SEMA3D: variants seen among roughly 807,000 people sequenced by gnomAD.
SEMA3D encodes the protein semaphorin 3D.
A neutral mutation model predicts 100.1 loss-of-function variants in SEMA3D; 84 were observed. The ratio of observed to expected loss-of-function variants is 0.84; its 90% confidence interval spans 0.70 to 1.01. SEMA3D has a LOEUF of 1.01. Ranked by LOEUF, SEMA3D falls within the 50% of genes least tolerant of loss-of-function variation. SEMA3D has a pLI of 0.00. For synonymous variants in SEMA3D, 312 were observed against 320.7 expected, an observed-to-expected ratio of 0.97 and a Z score of 0.29; for missense variants, 875 against 934.1, an observed-to-expected ratio of 0.94 and a Z score of 0.82.
chr7:85,104,323 G>T (rs1788840297), intron 3 of SEMA3D, among the ~76,000 whole-genome samples: 1 of 152,032 alleles, frequency 6.6e-6, no homozygotes, highest in Admixed American at 6.6e-5. Flanking sequence ...ATATAACATA[G>T]TAGACCATTA....
chr7:85,197,296 T>G, the SEMA3D span, among the ~76,000 whole-genome samples: 2 of 152,180 alleles, frequency 1.3e-5, no homozygotes, highest in South Asian at 4.1e-4. Context: ...AGTTGGCATC[T>G]ATTGCCTCTA....
At chr7:85,012,275 T>A (rs1433759192) in intron 17 of SEMA3D, among the ~76,000 whole-genome samples, 2 of 151,740 alleles carry the variant, frequency 1.3e-5, no homozygotes, top group East Asian at 3.9e-4. Context: ...TCACATAGTA[T>A]ACCCAGGACA....
At chr7:85,123,976 C>T (rs1251853050) in intron 2 of SEMA3D, among the ~76,000 whole-genome samples, 2 of 151,772 alleles carry the variant, frequency 1.3e-5, no homozygotes, top group Admixed American at 6.6e-5. Context: ...CATCAGCAGC[C>T]CTTTATGAAA....
intron 2 of SEMA3D, among the ~76,000 whole-genome samples, chr7:85,138,280 T>A (rs2116453774): frequency 6.6e-6 from 1 of 152,122 alleles, no homozygotes; most frequent in East Asian, 1.9e-4. Flanking sequence ...GATATTCTTT[T>A]TTAATTCATA....
intron 2 of SEMA3D, chr7:85,142,124 A>G (rs2116464159): frequency 1.0e-6 from 1 of 984,794 alleles, no homozygotes. Context: ...AAAATTTCTA[A>G]GCAATTATTG....
Position 85,097,943 on chromosome 7 carries a change from AC to A in SEMA3D, c.173del (p.Cys58LeufsTer18). ...TYKDLLLSNSCIPFLGSSEGL... is the reference protein window; with the variant it reads ...TYKDLLLSNSXIPFLGSSEGL... The stretch of plus-strand genomic sequence containing the variant: ...CTTCTGATGAACCCAAAAAGGGAAT[AC>A]AGCTATTTGAAAGCAGCAAGTCTAT... On this transcript the variant is annotated frameshift_variant, in exon 4 of 19. Coordinates refer to ENST00000284136, the MANE Select transcript of SEMA3D (RefSeq NM_001384900.1). LOFTEE classifies it high-confidence loss of function. 3 of 1,590,574 alleles carry A rather than the reference AC, an allele frequency of 1.9e-6. No homozygotes were observed. In the Middle Eastern group the frequency reaches 5.1e-4, roughly 269 times the overall value.
intron 1 of SEMA3D, among the ~76,000 whole-genome samples, chr7:85,158,791 G>A (rs1344127117): frequency 6.6e-6 from 1 of 152,024 alleles, no homozygotes; most frequent in African/African-American, 2.4e-5. Context: ...TCTGTCTTTT[G>A]TACTCTGTCC....
At chr7:85,107,869 C>T (rs1788977519) in intron 3 of SEMA3D, among the ~76,000 whole-genome samples, 1 of 151,968 alleles carries the variant, frequency 6.6e-6, no homozygotes. Flanking sequence ...CATATTACTA[C>T]TTCTCTAAAT....
chr7:85,212,292 A>G, the SEMA3D span, among the ~76,000 whole-genome samples: 2 of 152,164 alleles, frequency 1.3e-5, no homozygotes, highest in African/African-American at 4.8e-5. Context: ...AAGGGCAGGA[A>G]AAATTCAAAG....
At chr7:85,065,657 A>C (rs1791597400) in intron 7 of SEMA3D, 105 bp from the exon 8 acceptor site, 1 of 805,246 alleles carries the variant, frequency 1.2e-6, no homozygotes. Context: ...TTGTTTCTTA[A>C]TATCAGAATG....
the SEMA3D span, among the ~76,000 whole-genome samples, chr7:85,209,552 G>T: frequency 1.3e-5 from 2 of 151,904 alleles, no homozygotes; most frequent in African/African-American, 4.8e-5. Flanking sequence ...TTACTTAAAA[G>T]CTTTGAAGAG....
At chr7:85,159,506 G>A (rs999025141) in intron 1 of SEMA3D, among the ~76,000 whole-genome samples, 2 of 152,060 alleles carry the variant, frequency 1.3e-5, no homozygotes, top group African/African-American at 2.4e-5. Flanking sequence ...CAAACCACAT[G>A]TGTACTCTGA....
At chr7:85,067,010 A>G (rs1210926510) in intron 7 of SEMA3D, among the ~76,000 whole-genome samples, 1 of 151,948 alleles carries the variant, frequency 6.6e-6, no homozygotes, top group Non-Finnish European at 1.5e-5. Context: ...GTATTTCCCT[A>G]CAATGTATCA....
At chr7:85,236,276 TTTTATTTTA>T in the SEMA3D span, among the ~76,000 whole-genome samples, 109 of 139,096 alleles carry the variant, frequency 7.8e-4, no homozygotes, top group African/African-American at 2.8e-3. Flanking sequence ...TTTTATTTTA[TTTTATTTTA>T]TTTATTTATT....
At chr7:85,044,371 T>C (rs1049023380) in intron 9 of SEMA3D, among the ~76,000 whole-genome samples, 3 of 152,108 alleles carry the variant, frequency 2.0e-5, no homozygotes, top group African/African-American at 4.8e-5. Flanking sequence ...TGAATTATTT[T>C]TTACATTCCT....
intron 3 of SEMA3D, among the ~76,000 whole-genome samples, chr7:85,107,519 C>T (rs1788965371): frequency 1.3e-5 from 2 of 152,056 alleles, no homozygotes; most frequent in Non-Finnish European, 2.9e-5. Flanking sequence ...TAGTTCTCTG[C>T]TGATGACTTC....
the SEMA3D span, among the ~76,000 whole-genome samples, chr7:85,214,038 C>T: frequency 6.6e-6 from 1 of 152,074 alleles, no homozygotes; most frequent in East Asian, 1.9e-4. Context: ...AACCCATAAA[C>T]GTGCACAATC....
chr7:85,091,039 A>C (rs1583912835), intron 4 of SEMA3D, among the ~76,000 whole-genome samples: 1 of 151,002 alleles, frequency 6.6e-6, no homozygotes, highest in African/African-American at 2.4e-5. Flanking sequence ...GAAAGAAAGA[A>C]AGAGAGAGAG....
At chr7:85,134,697 T>C (rs1177203702) in intron 2 of SEMA3D, among the ~76,000 whole-genome samples, 3 of 152,040 alleles carry the variant, frequency 2.0e-5, no homozygotes, top group Non-Finnish European at 4.4e-5. Context: ...CAGATGTGAG[T>C]ATTTATTTAT....
Sources: gnomAD v4.1 joint callset for allele counts (sites outside exome capture counted in the v4.1 genomes callset) on GRCh38, gnomAD v4.1.1 for gene constraint, MANE v1.5 for transcripts, NCBI Gene and HGNC (gene_info 2026-07-23, HGNC 2026-07-21) for gene names.